The following MSRB3 variants were observed in gnomAD, a reference collection of about 807,000 sequenced individuals.
The protein encoded by MSRB3 is methionine sulfoxide reductase B3.
Under a neutral mutation model 21.0 loss-of-function variants are expected in MSRB3, and 13 were observed. That is an observed-to-expected ratio of 0.62 (90% CI 0.40 to 0.98). MSRB3 has a LOEUF of 0.98. Ranked by LOEUF, MSRB3 falls within the 50% of genes least tolerant of loss-of-function variation. The probability of loss-of-function intolerance (pLI) is 0.00; values close to 1 mark genes in which losing one functional copy is unlikely to be tolerated. For missense variants in MSRB3, 199 were observed against 230.3 expected (o/e 0.86, Z 0.88); for synonymous variants, 87 against 88.6 (o/e 0.98, Z 0.10).
At chr12:65,316,733 A>G (rs1874323808) in intron 2 of MSRB3, among the ~76,000 whole-genome samples, 2 of 152,116 alleles carry the variant, frequency 1.3e-5, no homozygotes, top group South Asian at 4.1e-4. Flanking sequence ...GGAGTTATAT[A>G]CTTGAAGGTT....
chr12:65,413,185 A>G (rs919468040), intron 5 of MSRB3, among the ~76,000 whole-genome samples: 19 of 152,234 alleles, frequency 1.2e-4, no homozygotes, highest in Non-Finnish European at 8.8e-5. Flanking sequence ...CAGAATGTAC[A>G]TAAGGTATTA....
chr12:65,353,516 A>C (rs1877173675), intron 4 of MSRB3, among the ~76,000 whole-genome samples: 1 of 151,982 alleles, frequency 6.6e-6, no homozygotes, highest in Admixed American at 6.6e-5. Flanking sequence ...TGTTGGTTTA[A>C]AGTCTGTTTT....
chr12:65,414,758 C>A (rs910445764), intron 5 of MSRB3, among the ~76,000 whole-genome samples: 1 of 152,058 alleles, frequency 6.6e-6, no homozygotes, highest in Non-Finnish European at 1.5e-5. Flanking sequence ...AGAAAGGAGT[C>A]AAGGAAAACC....
intron 4 of MSRB3, among the ~76,000 whole-genome samples, chr12:65,350,252 C>G (rs1337772004): frequency 6.6e-6 from 1 of 151,552 alleles, no homozygotes; most frequent in Non-Finnish European, 1.5e-5. Flanking sequence ...GGGCTCTGTT[C>G]TGTTCCATTG....
intron 4 of MSRB3, among the ~76,000 whole-genome samples, chr12:65,336,984 C>T (rs1030212678): frequency 6.6e-6 from 1 of 152,208 alleles, no homozygotes; most frequent in African/African-American, 2.4e-5. Flanking sequence ...TGGCTCACGC[C>T]TGTAATCTCA....
chr12:65,327,038 C>A, intron 3 of MSRB3, 104 bp downstream of exon 3: 1 of 823,692 alleles, frequency 1.2e-6, no homozygotes, highest in Non-Finnish European at 2.0e-6. Context: ...TCTATACTTA[C>A]TTGCTAAAGT....
At chr12:65,412,973 C>T (rs748473193) in intron 5 of MSRB3, among the ~76,000 whole-genome samples, 4 of 152,116 alleles carry the variant, frequency 2.6e-5, no homozygotes, top group Non-Finnish European at 5.9e-5. Context: ...ACAGCATGGG[C>T]GAAACTGCCC....
At chr12:65,331,257 A>G (rs1005610407) in intron 4 of MSRB3, among the ~76,000 whole-genome samples, 2 of 152,228 alleles carry the variant, frequency 1.3e-5, no homozygotes, top group African/African-American at 4.8e-5. Context: ...AGTAAGGTTT[A>G]CAGAATTATG....
chr12:65,404,156 A>T (rs561376342), intron 5 of MSRB3, among the ~76,000 whole-genome samples: 19 of 152,186 alleles, frequency 1.2e-4, no homozygotes, highest in Non-Finnish European at 2.1e-4. Flanking sequence ...GTGCACTACA[A>T]TCTCAAATTC....
At chr12:65,449,130 G>A (rs1452611917) in intron 5 of MSRB3, among the ~76,000 whole-genome samples, 1 of 151,996 alleles carries the variant, frequency 6.6e-6, no homozygotes, top group Non-Finnish European at 1.5e-5. Context: ...CTGGGTTCAT[G>A]CCATTCTCCT....
intron 5 of MSRB3, among the ~76,000 whole-genome samples, chr12:65,404,155 A>G (rs144791847): frequency 7.9e-4 from 120 of 152,312 alleles, no homozygotes; most frequent in Non-Finnish European, 1.2e-3. Context: ...AGTGCACTAC[A>G]ATCTCAAATT....
chr12:65,448,559 ATGTC>A (rs1016358274), intron 5 of MSRB3, among the ~76,000 whole-genome samples: 2 of 152,148 alleles, frequency 1.3e-5, no homozygotes, highest in Admixed American at 6.5e-5. Context: ...GAAATGTTCT[ATGTC>A]TGTGGAAATC....
chr12:65,448,146 T>C (rs1882701875), intron 5 of MSRB3, among the ~76,000 whole-genome samples: 1 of 152,096 alleles, frequency 6.6e-6, no homozygotes, highest in Non-Finnish European at 1.5e-5. Flanking sequence ...GGGCAAAGGA[T>C]AGGTGGAGGG....
At chr12:65,349,881 T>G (rs939575619) in intron 4 of MSRB3, among the ~76,000 whole-genome samples, 3 of 152,086 alleles carry the variant, frequency 2.0e-5, no homozygotes, top group African/African-American at 7.3e-5. Flanking sequence ...CTGATGGTAG[T>G]TTCTTTTGCT....
At chr12:65,298,599 C>G (rs1205216424) in intron 1 of MSRB3, among the ~76,000 whole-genome samples, 1 of 152,046 alleles carries the variant, frequency 6.6e-6, no homozygotes, top group African/African-American at 2.4e-5. Context: ...TTAAATATAC[C>G]TTTTAGTGGA....
intron 5 of MSRB3, among the ~76,000 whole-genome samples, chr12:65,428,858 A>G (rs541846989): frequency 1.3e-5 from 2 of 152,288 alleles, no homozygotes; most frequent in South Asian, 2.1e-4. Flanking sequence ...GTGCCCCTAC[A>G]TATGGGGTGT....
chr12:65,377,125 T>G (rs1878669201), intron 5 of MSRB3, among the ~76,000 whole-genome samples: 1 of 152,224 alleles, frequency 6.6e-6, no homozygotes, highest in Non-Finnish European at 1.5e-5. Context: ...CCTTGACACC[T>G]TCCCAGCAGT....
At chr12:65,396,698 AAAAAAAAAAGAAAG>A (rs71096038) in intron 5 of MSRB3, among the ~76,000 whole-genome samples, 4,218 of 113,432 alleles carry the variant, frequency 0.037, 202 homozygotes, top group African/African-American at 0.077. Flanking sequence ...TCTCAAAAAA[AAAAAAAAAAGAAAG>A]AAAGAAAGAA....
chr12:65,413,013 TC>T (rs1420697360), intron 5 of MSRB3, among the ~76,000 whole-genome samples: 4 of 152,156 alleles, frequency 2.6e-5, no homozygotes, highest in African/African-American at 9.7e-5. Context: ...ATCTGGTCCC[TC>T]CCTTGACACG....
Sources: allele counts gnomAD v4.1 joint callset (sites outside exome capture counted in the v4.1 genomes callset), GRCh38; gene constraint gnomAD v4.1.1; transcripts MANE v1.5; gene names NCBI Gene and HGNC (gene_info 2026-07-23, HGNC 2026-07-21).